PIGK: variants seen among roughly 807,000 people sequenced by gnomAD.
PIGK encodes phosphatidylinositol glycan anchor biosynthesis class K.
In PIGK, 42 loss-of-function variants were observed where a neutral mutation model predicts 50.6. The ratio of observed to expected loss-of-function variants is 0.83; its 90% CI spans 0.65 to 1.07. The LOEUF (loss-of-function observed/expected upper bound fraction) is 1.07, where lower values mean the gene tolerates loss of function less well. Ranked by LOEUF, PIGK falls within the 50% of genes least tolerant of loss-of-function variation. The probability of loss-of-function intolerance (pLI) is 0.00; values close to 1 mark genes in which losing one functional copy is unlikely to be tolerated. For missense variants in PIGK, 448 were observed against 488.7 expected (o/e 0.92, Z 0.78); for synonymous variants, 151 against 156.0 (o/e 0.97, Z 0.24).
rs1653264907 is a variant in PIGK, at chr1:77,090,206, T to C, written c.*2168A>G. On this transcript the variant is annotated 3_prime_UTR_variant, in exon 11 of 11. Coordinates refer to ENST00000370812, the MANE Select transcript of PIGK (RefSeq NM_005482.3). ...TTCAGCTTTTGTGACTCAAGTAGAA[T>C]ATATTTAAGGATTTGTTTTTATGAT... 1 of 152,236 alleles carries C rather than the reference T, an allele frequency of 6.6e-6. No homozygotes were observed. The highest frequency in any genetic ancestry group is 1.5e-5 in the Non-Finnish European group (1 of 68,024). 9.4% of individuals were successfully genotyped at this position (152,236 alleles called of 1,614,324 possible). A position where few individuals can be genotyped will look rare whatever the true frequency, so the allele number is the denominator to read the frequency against.
At chr1:77,189,748 T>TAC (rs200985315) in intron 3 of PIGK, among the ~76,000 whole-genome samples, 819 of 53,570 alleles carry the variant, frequency 0.015, 19 homozygotes, top group East Asian at 0.031. Context: ...TATATATATA[T>TAC]ACACACACAC....
At chr1:77,192,798 A>G (rs535853127) in intron 3 of PIGK, among the ~76,000 whole-genome samples, 2 of 152,324 alleles carry the variant, frequency 1.3e-5, no homozygotes, top group South Asian at 4.1e-4. Context: ...GTCTTAAAAT[A>G]CATTTAGGAC....
chr1:77,137,157 G>GGATA (rs1199799991), intron 9 of PIGK, among the ~76,000 whole-genome samples: 1 of 152,118 alleles, frequency 6.6e-6, no homozygotes, highest in East Asian at 1.9e-4. Flanking sequence ...TGGGACCCAT[G>GGATA]GATAACCTCC....
chr1:77,124,846 T>A (rs994216548), intron 9 of PIGK, among the ~76,000 whole-genome samples: 13 of 151,960 alleles, frequency 8.6e-5, no homozygotes, highest in Non-Finnish European at 1.6e-4. Context: ...ATATTTTTCC[T>A]TCCTTATCAA....
intron 10 of PIGK, among the ~76,000 whole-genome samples, chr1:77,101,731 T>G (rs1653547154): frequency 1.3e-5 from 2 of 152,062 alleles, no homozygotes; most frequent in South Asian, 4.2e-4. Context: ...TTTGGCCAGG[T>G]GCGGTGGCTC....
intron 3 of PIGK, among the ~76,000 whole-genome samples, chr1:77,173,728 T>G (rs544966463): frequency 1.3e-5 from 2 of 152,214 alleles, no homozygotes; most frequent in Non-Finnish European, 2.9e-5. Context: ...AAGAGTACTT[T>G]AGGAATATAA....
chr1:77,120,461 C>T (rs915812899), intron 10 of PIGK, among the ~76,000 whole-genome samples: 4 of 152,178 alleles, frequency 2.6e-5, no homozygotes, highest in African/African-American at 9.6e-5. Flanking sequence ...CTCAAGTGAT[C>T]CATCCACCTC....
At chr1:77,142,115 T>C (rs538181050) in intron 9 of PIGK, among the ~76,000 whole-genome samples, 1 of 152,324 alleles carries the variant, frequency 6.6e-6, no homozygotes, top group South Asian at 2.1e-4. Flanking sequence ...AATCCTGAAA[T>C]TGAGTTGTTT....
At position 77,163,880 on chromosome 1, in the gene PIGK, C is replaced by T. The variant is rs201690868; in HGVS notation, c.550G>A (p.Ala184Thr). 276 of 1,609,256 alleles carry T rather than the reference C, an allele frequency of 1.7e-4. No individual in the cohort carries two copies. The highest frequency in any genetic ancestry group is 9.4e-5 in the Non-Finnish European group (111 of 1,177,192). Residue 184 changes from alanine (A) to threonine (T), a missense_variant, in exon 6 of 11, where the codon GCG (alanine) becomes ACG (threonine). By Grantham distance (58) the Ala-to-Thr change is moderately conservative. Coordinates refer to ENST00000370812, the MANE Select transcript of PIGK (RefSeq NM_005482.3). Reference protein sequence around the residue: ...DSEEITNIELADAFEQMWQKR... With the variant: ...DSEEITNIELTDAFEQMWQKR... ...TGCCACATTTGTTCAAAAGCATCCGCGAGTTCTATGTTGGTAATTTCTTCA... is the reference window on the plus strand; with the variant it reads ...TGCCACATTTGTTCAAAAGCATCCGTGAGTTCTATGTTGGTAATTTCTTCA...
At chr1:77,150,255 C>T (rs1654865213) in intron 9 of PIGK, among the ~76,000 whole-genome samples, 1 of 151,996 alleles carries the variant, frequency 6.6e-6, no homozygotes, top group Non-Finnish European at 1.5e-5. Context: ...CAGTGGCTTA[C>T]ACTTGTAACC....
chr1:77,122,361 T>C lies in PIGK; in HGVS notation c.987-2A>G, dbSNP rs758552677. 3.2e-6 allele frequency: 5 copies of C among 1,561,914 alleles called. No homozygotes were observed. The South Asian group carries it at 4.5e-5, about 14-fold the overall frequency. On this transcript the variant is annotated splice_acceptor_variant, in intron 9 of 10. Transcript: ENST00000370812. LOFTEE classifies it high-confidence loss of function. ...TCATCCATCTGGTCTTCCTTATAGC[T>C]GGAAAAGATAATTTAAAAACACAGA...
intron 9 of PIGK, among the ~76,000 whole-genome samples, chr1:77,148,413 G>A (rs1473891698): frequency 6.6e-6 from 1 of 152,106 alleles, no homozygotes; most frequent in African/African-American, 2.4e-5. Context: ...ATTCAACAGT[G>A]CTTGATATCT....
chr1:77,141,870 CTTTCTA>C (rs1363753978), intron 9 of PIGK, among the ~76,000 whole-genome samples: 5 of 151,956 alleles, frequency 3.3e-5, no homozygotes, highest in Non-Finnish European at 7.4e-5. Context: ...GAGAAATCAG[CTTTCTA>C]ACAAATAAAA....
chr1:77,111,217 G>C (rs1377519958), intron 10 of PIGK, among the ~76,000 whole-genome samples: 2 of 152,148 alleles, frequency 1.3e-5, no homozygotes, highest in East Asian at 3.9e-4. Context: ...CAGGGATCTA[G>C]AACTAGAAAT....
At chr1:77,110,246 T>C (rs1653804859) in intron 10 of PIGK, among the ~76,000 whole-genome samples, 1 of 152,086 alleles carries the variant, frequency 6.6e-6, no homozygotes, top group African/African-American at 2.4e-5. Flanking sequence ...CTTCACAGAA[T>C]TGGAAAAAAC....
chr1:77,094,956 T>G (rs1221916050), intron 10 of PIGK, among the ~76,000 whole-genome samples: 1 of 152,180 alleles, frequency 6.6e-6, no homozygotes, highest in African/African-American at 2.4e-5. Flanking sequence ...GAAATATATG[T>G]AATTTCTGCA....
chr1:77,206,927 G>A (rs1656300175), intron 2 of PIGK, among the ~76,000 whole-genome samples, 196 bp from the exon 3 acceptor site: 1 of 152,182 alleles, frequency 6.6e-6, no homozygotes, highest in African/African-American at 2.4e-5. Context: ...AACACTTTGG[G>A]AAGCCCAGGC....
At chr1:77,128,104 C>A (rs978595647) in intron 9 of PIGK, among the ~76,000 whole-genome samples, 2 of 152,166 alleles carry the variant, frequency 1.3e-5, no homozygotes, top group African/African-American at 4.8e-5. Context: ...GATTATACAG[C>A]AATGAGAAAA....
At chr1:77,130,273 G>T (rs1464052063) in intron 9 of PIGK, among the ~76,000 whole-genome samples, 1 of 86,668 alleles carries the variant, frequency 1.2e-5, no homozygotes, top group Non-Finnish European at 2.0e-5. Context: ...TTTGGGTAGT[G>T]TGACACCTTT....
Sources: gnomAD v4.1 joint callset for allele counts (sites outside exome capture counted in the v4.1 genomes callset) on GRCh38, gnomAD v4.1.1 for gene constraint, MANE v1.5 for transcripts, NCBI Gene and HGNC (gene_info 2026-07-23, HGNC 2026-07-21) for gene names.